The following RBM20 variants were observed in gnomAD, a reference collection of about 807,000 sequenced individuals.
RBM20 encodes RNA binding motif protein 20, also known as RNA-binding protein 20.
In RBM20, 51 loss-of-function variants were observed where a neutral mutation model predicts 110.1. The ratio of observed to expected loss-of-function variants is 0.46; its 90% CI spans 0.37 to 0.59. RBM20 has a LOEUF of 0.59. RBM20 is among the 20% of genes least tolerant of loss of function. The probability of loss-of-function intolerance (pLI) is 0.00; values close to 1 mark genes in which losing one functional copy is unlikely to be tolerated. For missense variants in RBM20, 1,512 were observed against 1,574.9 expected, an observed-to-expected ratio of 0.96 and a Z score of 0.68; for synonymous variants, 589 against 618.2, an observed-to-expected ratio of 0.95 and a Z score of 0.70.
At chr10:110,744,005 A>G (rs1415405133) in intron 1 of RBM20, among the ~76,000 whole-genome samples, 1 of 152,168 alleles carries the variant, frequency 6.6e-6, no homozygotes, top group African/African-American at 2.4e-5. Context: ...TGGGGGCTCC[A>G]GTCCCCTTTT....
intron 1 of RBM20, among the ~76,000 whole-genome samples, chr10:110,676,839 A>G (rs1862346999): frequency 6.6e-6 from 1 of 152,176 alleles, no homozygotes; most frequent in African/African-American, 2.4e-5. Context: ...TGTGGATGCA[A>G]GAGGCTATAA....
At position 110,831,042 on chromosome 10, in the gene RBM20, A is replaced by G. The variant is rs1024831754; in HGVS notation, c.3452-19A>G. 2 of 1,546,516 alleles carry G rather than the reference A, an allele frequency of 1.3e-6. No individual in the cohort carries two copies. The highest frequency in any genetic ancestry group is 2.7e-5 in the African/African-American group (2 of 72,932). On this transcript the variant is annotated intron_variant, in intron 12 of 13. Transcript: ENST00000369519. Reference sequence around the variant, plus strand: ...CATGCCATCCTAACCCTGCGTGTCTATCCCCCATCCTTTCCCAGGGGTGGA... The same window carrying G: ...CATGCCATCCTAACCCTGCGTGTCTGTCCCCCATCCTTTCCCAGGGGTGGA...
chr10:110,744,335 C>A (rs978479668), intron 1 of RBM20, among the ~76,000 whole-genome samples: 1 of 152,322 alleles, frequency 6.6e-6, no homozygotes, highest in South Asian at 2.1e-4. Flanking sequence ...CCCTCAGAAT[C>A]TCCAGGGGAG....
In RBM20 at chr10:110,674,656, G is replaced by A. The variant is rs186681822; in HGVS notation, c.191+30011G>A. ...AGGAAACCTGCATATTAACAAGCTGGTAATAAGTGCAGGCGTTAAGATTGA... is the reference window on the plus strand; with the variant it reads ...AGGAAACCTGCATATTAACAAGCTGATAATAAGTGCAGGCGTTAAGATTGA... On this transcript the variant is annotated intron_variant, in intron 1 of 13. Coordinates refer to ENST00000369519, the MANE Select transcript of RBM20 (RefSeq NM_001134363.3). Among the ~76,000 whole-genome samples the A allele has an allele frequency of 5.3e-5, 8 of 152,316 alleles. No homozygotes were observed. The East Asian group carries it at 1.5e-3, about 29-fold the overall frequency.
At chr10:110,771,352 C>A (rs912437645) in intron 1 of RBM20, among the ~76,000 whole-genome samples, 1 of 152,078 alleles carries the variant, frequency 6.6e-6, no homozygotes, top group African/African-American at 2.4e-5. Flanking sequence ...TGGTCTAGAA[C>A]TCCTGACCTT....
chr10:110,645,031 A>T (rs187532437), intron 1 of RBM20, among the ~76,000 whole-genome samples: 227 of 152,228 alleles, frequency 1.5e-3, no homozygotes, highest in Non-Finnish European at 3.0e-3. Context: ...GAGGGTGTGT[A>T]AGTAAAATGC....
rs1489412461 is a variant in RBM20, at chr10:110,821,850, T to C, written c.3231T>C (p.Cys1077=). The change falls in exon 11 of 14, where the codon TGT becomes TGC. Residue 1077 remains cysteine (C), a synonymous_variant. Coordinates refer to ENST00000369519, the MANE Select transcript of RBM20 (RefSeq NM_001134363.3). ...KTRGTPEDGA[C]EGSPLEEKAS... is the part of the protein sequence containing the mutation. The stretch of plus-strand genomic sequence containing the variant: ...GGGGGACCCCCGAAGATGGGGCTTG[T>C]GAAGGCAGCCCCCTGGAGGAGAAAG... 3 of 1,551,546 alleles carry C rather than the reference T, an allele frequency of 1.9e-6. No homozygotes were observed. Among genetic ancestry groups the C allele is most frequent in the Admixed American group, 2.0e-5 (1 of 50,986 alleles).
rs142795922 is a variant in RBM20, at chr10:110,784,486, G to A, written c.1429+54G>A. On this transcript the variant is annotated intron_variant, in intron 4 of 13. Coordinates refer to ENST00000369519, the MANE Select transcript of RBM20 (RefSeq NM_001134363.3). Reference sequence around the variant, plus strand: ...TGAAGCAGAAGTGGGCTACCCACAGGCACATTATGTCCTGTCTTTAATAAC... The same window carrying A: ...TGAAGCAGAAGTGGGCTACCCACAGACACATTATGTCCTGTCTTTAATAAC... The A allele has an allele frequency of 6.5e-3, 8,162 of 1,262,714 alleles. 108 individuals are homozygous for A. The highest frequency in any genetic ancestry group is 0.034 in the South Asian group (2,672 of 77,896). 78.2% of individuals were successfully genotyped at this position (1,262,714 alleles called of 1,614,324 possible).
At chr10:110,700,865 A>G (rs1019277888) in intron 1 of RBM20, among the ~76,000 whole-genome samples, 12 of 152,308 alleles carry the variant, frequency 7.9e-5, no homozygotes, top group South Asian at 2.1e-4. Context: ...AAATAAAAAA[A>G]TTAGCCAGCC....
At chr10:110,724,757 TAGGCA>T (rs1843543692) in intron 1 of RBM20, among the ~76,000 whole-genome samples, 2 of 152,276 alleles carry the variant, frequency 1.3e-5, no homozygotes, top group South Asian at 4.1e-4. Flanking sequence ...ATGAGAACAG[TAGGCA>T]AGGAAGGCAG....
chr10:110,816,246 C>T (rs1844836751), intron 9 of RBM20, among the ~76,000 whole-genome samples: 1 of 152,118 alleles, frequency 6.6e-6, no homozygotes, highest in African/African-American at 2.4e-5. Flanking sequence ...ATGATTTCAA[C>T]ACCCCAACCT....
At chr10:110,682,886 G>C (rs965382598) in intron 1 of RBM20, among the ~76,000 whole-genome samples, 1 of 152,338 alleles carries the variant, frequency 6.6e-6, no homozygotes, top group East Asian at 1.9e-4. Flanking sequence ...TATTCTAACA[G>C]TGATTTTCCA....
At chr10:110,696,638 G>A (rs892242000) in intron 1 of RBM20, among the ~76,000 whole-genome samples, 2 of 152,124 alleles carry the variant, frequency 1.3e-5, no homozygotes, top group Non-Finnish European at 2.9e-5. Context: ...CGTGGGCTGG[G>A]GTGGAGTAGG....
chr10:110,663,522 C>T (rs1862135646), intron 1 of RBM20, among the ~76,000 whole-genome samples: 1 of 152,100 alleles, frequency 6.6e-6, no homozygotes, highest in African/African-American at 2.4e-5. Context: ...AAAATATTTA[C>T]CTGTATGTGT....
At chr10:110,829,300 G>A (rs1168147779) in intron 12 of RBM20, among the ~76,000 whole-genome samples, 1 of 152,232 alleles carries the variant, frequency 6.6e-6, no homozygotes, top group African/African-American at 2.4e-5. Context: ...TGTTTGTGAG[G>A]TGGAGGGGAG....
chr10:110,761,692 TTG>T (rs1844006477), intron 1 of RBM20, among the ~76,000 whole-genome samples: 1 of 152,228 alleles, frequency 6.6e-6, no homozygotes, highest in South Asian at 2.1e-4. Flanking sequence ...CCTTACATTA[TTG>T]TGTTTTAACA....
rs757326885 is a variant in RBM20 at position 110,821,744 on chromosome 10, C to T, written c.3125C>T (p.Thr1042Ile). The change falls in exon 11 of 14, where the codon ACA becomes ATA. Residue 1042 changes from threonine (T) to isoleucine (I), a missense_variant. Around this residue, in one of 3 missense-constraint regions of RBM20, gnomAD observed 358 missense variants for 384.2 expected, o/e 0.93. Coordinates refer to ENST00000369519, the MANE Select transcript of RBM20 (RefSeq NM_001134363.3). ...VESSDVHPAP[T>I]VQQMSSPKPA... is the part of the protein sequence containing the mutation. Reference sequence around the variant, plus strand: ...AGCTCAGATGTTCATCCAGCCCCTACAGTCCAGCAAATGTCTTCCCCTAAG... The same window carrying T: ...AGCTCAGATGTTCATCCAGCCCCTATAGTCCAGCAAATGTCTTCCCCTAAG... The T allele has an allele frequency of 8.4e-6, 13 of 1,551,764 alleles. No individual in the cohort carries two copies. In the East Asian group the frequency reaches 1.7e-4, roughly 20 times the overall value.
At chr10:110,749,454 A>G (rs1843825808) in intron 1 of RBM20, among the ~76,000 whole-genome samples, 1 of 152,242 alleles carries the variant, frequency 6.6e-6, no homozygotes, top group African/African-American at 2.4e-5. Flanking sequence ...TCTTTAATAG[A>G]AAAAATTATA....
At chr10:110,765,722 C>A (rs1410080373) in intron 1 of RBM20, among the ~76,000 whole-genome samples, 2 of 152,082 alleles carry the variant, frequency 1.3e-5, no homozygotes, top group African/African-American at 4.8e-5. Flanking sequence ...AAAAGCAAAT[C>A]CATACTCATA....
Sources: gnomAD v4.1 joint callset for allele counts (sites outside exome capture counted in the v4.1 genomes callset) on GRCh38, gnomAD v4.1.1 for gene constraint, gnomAD v4.1.1 regional missense constraint, MANE v1.5 for transcripts, NCBI Gene and HGNC (gene_info 2026-07-23, HGNC 2026-07-21) for gene names.